The following IGFN1 variants were observed in gnomAD, a reference collection of about 807,000 sequenced individuals.
The protein encoded by IGFN1 is immunoglobulin-like and fibronectin type III domain-containing protein 1.
Under a neutral mutation model 289.5 loss-of-function variants are expected in IGFN1, and 253 were observed. The observed-to-expected ratio is 0.87, with a 90% CI of 0.79 to 0.97. The LOEUF (loss-of-function observed/expected upper bound fraction) is 0.97, where lower values mean the gene tolerates loss of function less well. Ranked by LOEUF, IGFN1 falls within the 50% of genes least tolerant of loss-of-function variation. The pLI is 0.00. For synonymous variants in IGFN1, 1,706 were observed against 1,788.5 expected (o/e 0.95, Z 1.16); for missense variants, 4,470 against 4,686.1 (o/e 0.95, Z 1.35).
At position 201,225,810 on chromosome 1, in the gene IGFN1, C is replaced by G; in HGVS notation, c.10487-14C>G. 6.3e-7 allele frequency: 1 copy of G among 1,599,844 alleles called. No individual in the cohort carries two copies. Among genetic ancestry groups the G allele is most frequent in the East Asian group, 2.2e-5 (1 of 44,554 alleles). On this transcript the variant is annotated splice_polypyrimidine_tract_variant and intron_variant, in intron 21 of 23. Transcript: ENST00000335211. ...TCCCCTCCACGTGACCTCCCTCTGC[C>G]GTCTCTCCTGAAGCATGCCCGCAGG...
chr1:201,228,274 T>C, intron 23 of IGFN1, 112 bp from the exon 24 acceptor site: 1 of 1,115,016 alleles, frequency 9.0e-7, no homozygotes, highest in South Asian at 1.2e-5. Context: ...CCACACCCCC[T>C]GATGGCAGAG....
In IGFN1 at chr1:201,198,308, G is replaced by A. The variant is rs535795522; in HGVS notation, c.367+991G>A. 2.1e-4 allele frequency among the ~76,000 whole-genome samples: 32 copies of A among 152,242 alleles called. 1 individual carries two copies. In the South Asian group the frequency reaches 6.0e-3, roughly 29 times the overall value. ...TTACCACCATGCCTGGCTAATTTTT[G>A]TATTTTTAGTTGAGACAGGGTTTCA... On this transcript the variant is annotated intron_variant, in intron 5 of 23. Transcript: ENST00000335211.
chr1:201,223,096 A>G, intron 20 of IGFN1: 1 of 311,884 alleles, frequency 3.2e-6, no homozygotes, highest in Non-Finnish European at 5.9e-6. Flanking sequence ...CAGCTACTGC[A>G]CCTCCAAACT....
chr1:201,206,659 A>G lies in IGFN1; in HGVS notation c.1766A>G (p.Asp589Gly). 1 of 1,537,678 alleles carries G rather than the reference A, an allele frequency of 6.5e-7. No homozygotes were observed. The highest frequency in any genetic ancestry group is 8.7e-7 in the Non-Finnish European group (1 of 1,146,906). The part of the protein sequence containing the change: ...EHRGDSGRQL[D>G]RHAPEQLWDA... ...AGAGGGGACAGTGGAAGACAACTGG[A>G]CAGGCATGCCCCAGAGCAACTGTGG... is the stretch of plus-strand genomic sequence containing the variant. The change falls in exon 12 of 24, where the codon GAC (aspartate) becomes GGC (glycine). Residue 589 changes from aspartate (D) to glycine (G), a missense_variant. This residue lies in a region of IGFN1 where 2,011 missense variants were observed against 1,953.4 expected (regional missense o/e 1.03). Coordinates refer to ENST00000335211, the MANE Select transcript of IGFN1 (RefSeq NM_001164586.2).
Position 201,205,079 on chromosome 1 carries a change from C to A in IGFN1, c.917-3C>A. 1 of 1,536,066 alleles carries A rather than the reference C, an allele frequency of 6.5e-7. No homozygotes were observed. The highest frequency in any genetic ancestry group is 8.8e-7 in the Non-Finnish European group (1 of 1,136,078). ...GATATCCCCATTCCTATTTCCCCGG[C>A]AGCCATCCCCCCAAGAGTGGTGGTC... On this transcript the variant is annotated splice_polypyrimidine_tract_variant and splice_region_variant and intron_variant, in intron 10 of 23. Transcript: ENST00000335211.
Position 201,216,629 on chromosome 1 carries a change from C to G in IGFN1, c.9471C>G (p.Asp3157Glu). 1.2e-6 allele frequency: 2 copies of G among 1,613,982 alleles called. No individual in the cohort carries two copies. Among genetic ancestry groups the G allele is most frequent in the Non-Finnish European group, 1.7e-6 (2 of 1,179,938 alleles). ...TGAAGGTGGGCGAGGCCCCCGCTGA[C>G]AGCACCACCTTCACGGATGCCCATG... ...TWLKVGEAPA[D>E]STTFTDAHVE... is the part of the protein sequence containing the mutation. Residue 3157 changes from aspartate to glutamate, a missense_variant, in exon 16 of 24, where the codon GAC (aspartate) becomes GAG (glutamate). Asp to Glu is a conservative substitution (Grantham distance 45). Around this residue, in one of 8 missense-constraint regions of IGFN1, gnomAD observed 2,218 missense variants for 2,114.1 expected, o/e 1.05. Transcript: ENST00000335211.
chr1:201,220,138 TCTCTCCCCCTTCCTCCCTCCCTCTC>T (rs1422375828), intron 18 of IGFN1, among the ~76,000 whole-genome samples: 1 of 147,504 alleles, frequency 6.8e-6, no homozygotes, highest in East Asian at 2.0e-4. Context: ...TTTCTTTCTC[TCTCTCCCCCTTCCTCCCTCCCTCTC>T]TTCTTTCTAT....
Position 201,218,654 on chromosome 1 carries a change from C to A in IGFN1, c.9894C>A (p.Pro3298=). 1 of 1,603,840 alleles carries A rather than the reference C, an allele frequency of 6.2e-7. No individual in the cohort carries two copies. The highest frequency in any genetic ancestry group is 1.1e-5 in the South Asian group (1 of 90,536). The change falls in exon 18 of 24, where the codon CCC becomes CCA. Residue 3298 remains proline (P), a synonymous_variant. Coordinates refer to ENST00000335211, the MANE Select transcript of IGFN1 (RefSeq NM_001164586.2). ...PPSDAVFARD[P]MRPPGLVRNL... is the part of the protein sequence containing the mutation. ...CGGATGCTGTCTTTGCTCGGGACCCCATGAGTAAGTAGGGCACCAACCCAG... is the reference window on the plus strand; with the variant it reads ...CGGATGCTGTCTTTGCTCGGGACCCAATGAGTAAGTAGGGCACCAACCCAG...
intron 2 of IGFN1, among the ~76,000 whole-genome samples, chr1:201,193,917 A>G (rs1037668764): frequency 2.6e-5 from 4 of 151,944 alleles, no homozygotes; most frequent in African/African-American, 9.7e-5. Flanking sequence ...AGGGTGCCCC[A>G]CCCACTTCCT....
chr1:201,195,716 C>G (rs975814899), intron 3 of IGFN1, 123 bp from the exon 4 acceptor site: 16 of 1,097,746 alleles, frequency 1.5e-5, no homozygotes, highest in Non-Finnish European at 2.0e-5. Flanking sequence ...GCCTGGCATC[C>G]TTTTTGGAAG....
chr1:201,202,294 G>T (rs1382591412), intron 9 of IGFN1, among the ~76,000 whole-genome samples: 1 of 152,174 alleles, frequency 6.6e-6, no homozygotes, highest in Non-Finnish European at 1.5e-5. Flanking sequence ...TCACTTATAA[G>T]CTGTATGACC....
rs1347077656 is a variant in IGFN1 at position 201,225,826 on chromosome 1, T to A, written c.10489T>A (p.Cys3497Ser). 3 of 1,610,204 alleles carry A rather than the reference T, an allele frequency of 1.9e-6. No homozygotes were observed. Among genetic ancestry groups the A allele is most frequent in the Admixed American group, 3.4e-5 (2 of 59,592 alleles). Residue 3497 changes from cysteine (C) to serine (S), a missense_variant and splice_region_variant, in exon 22 of 24, where the codon TGC becomes AGC. Physicochemically the swap from Cys to Ser is moderately radical, Grantham distance 112. This residue lies in a region of IGFN1 where 2,218 missense variants were observed against 2,114.1 expected (regional missense o/e 1.05). Coordinates refer to ENST00000335211, the MANE Select transcript of IGFN1 (RefSeq NM_001164586.2). ...TCCCTCTGCCGTCTCTCCTGAAGCA[T>A]GCCCGCAGGCCCCTGGGCCCATCCA... ...AHSFRIRVAA[C>S]PQAPGPIHLQ...
chr1:201,195,266 C>T (rs957378683), intron 3 of IGFN1, among the ~76,000 whole-genome samples: 1 of 152,054 alleles, frequency 6.6e-6, no homozygotes, highest in African/African-American at 2.4e-5. Context: ...ATTCTCCTGC[C>T]TCAGCCTCCC....
In IGFN1 at chr1:201,224,665, C is replaced by T; in HGVS notation, c.10291-14C>T. On this transcript the variant is annotated splice_polypyrimidine_tract_variant and intron_variant, in intron 20 of 23. Transcript: ENST00000335211. ...GCTTCCCCTTCTCAACTTTTCCTTC[C>T]TCTCCTTTCTCAGGCCATGCCCATG... 1 of 1,611,608 alleles carries T rather than the reference C, an allele frequency of 6.2e-7. No homozygotes were observed. Among genetic ancestry groups the T allele is most frequent in the Admixed American group, 1.7e-5 (1 of 59,788 alleles).
chr1:201,212,370 T>C lies in IGFN1; in HGVS notation c.7477T>C (p.Trp2493Arg), dbSNP rs1162714242. The change falls in exon 12 of 24, where the codon TGG becomes CGG. Residue 2493 changes from tryptophan to arginine, a missense_variant. Trp to Arg is a moderately radical substitution (Grantham distance 101, BLOSUM62 -3). This residue lies in a region of IGFN1 where 2,218 missense variants were observed against 2,114.1 expected (regional missense o/e 1.05). Transcript: ENST00000335211. The part of the protein sequence containing the change: ...GAKGKPDVKE[W>R]QDSSGTPGSS... ...CAAGGGAAAACCAGATGTCAAAGAA[T>C]GGCAAGACAGTTCTGGGACTCCAGG... 13 of 1,536,796 alleles carry C rather than the reference T, an allele frequency of 8.5e-6. No homozygotes were observed. In the East Asian group the frequency reaches 2.7e-4, roughly 32 times the overall value.
Position 201,199,068 on chromosome 1 carries a change from G to A in IGFN1, c.368-266G>A, listed in dbSNP as rs1020268083. 2.0e-5 allele frequency among the ~76,000 whole-genome samples: 3 copies of A among 152,140 alleles called. 1 individual carries two copies. The highest frequency in any genetic ancestry group is 4.1e-4 in the South Asian group (2 of 4,830). Reference sequence around the variant, plus strand: ...TTTATGCCACCTCCCTGGCCCCTGCGGACACATGACTGGGCCTCCCCTGCA... The same window carrying A: ...TTTATGCCACCTCCCTGGCCCCTGCAGACACATGACTGGGCCTCCCCTGCA... On this transcript the variant is annotated intron_variant, in intron 5 of 23. Coordinates refer to ENST00000335211, the MANE Select transcript of IGFN1 (RefSeq NM_001164586.2).
chr1:201,205,355 G>A lies in IGFN1; in HGVS notation c.1189+1G>A, dbSNP rs1667366154. 9 of 1,529,062 alleles carry A rather than the reference G, an allele frequency of 5.9e-6. No individual in the cohort carries two copies. The highest frequency in any genetic ancestry group is 7.9e-6 in the Non-Finnish European group (9 of 1,132,766). The allele number at this position is 1,529,062 out of a possible 1,614,324, so 94.7% of individuals were successfully genotyped here. On this transcript the variant is annotated splice_donor_variant, in intron 11 of 23. Coordinates refer to ENST00000335211, the MANE Select transcript of IGFN1 (RefSeq NM_001164586.2). LOFTEE classifies it high-confidence loss of function. ...TCCAGCGCCTGGCTGGTGGTTGAAGGTGAGTGCTTCAAAACTCTGTCTTTC... is the reference window on the plus strand; with the variant it reads ...TCCAGCGCCTGGCTGGTGGTTGAAGATGAGTGCTTCAAAACTCTGTCTTTC...
chr1:201,202,508 C>T (rs1443022603), intron 9 of IGFN1, among the ~76,000 whole-genome samples: 1 of 152,070 alleles, frequency 6.6e-6, no homozygotes, highest in Non-Finnish European at 1.5e-5. Flanking sequence ...TTCCTTTGCC[C>T]AGGTGTTCCC....
chr1:201,211,097 A>T lies in IGFN1; in HGVS notation c.6204A>T (p.Ala2068=), dbSNP rs921285276. Residue 2068 remains alanine (A), a synonymous_variant, in exon 12 of 24, where the codon GCA becomes GCT. Transcript: ENST00000335211. ...TAGAAATGGGGTCAGTGAATGAGGC[A>T]GGTTATAGGAAGGATTTAGGGGCTC... ...SSVEMGSVNE[A]GYRKDLGAPK... The T allele has an allele frequency of 2.7e-6, 4 of 1,507,230 alleles. No individual in the cohort carries two copies. The African/African-American group carries it at 5.6e-5, about 21-fold the overall frequency. 93.4% of individuals were successfully genotyped at this position (1,507,230 alleles called of 1,614,324 possible).
Sources: gnomAD v4.1 joint callset for allele counts (sites outside exome capture counted in the v4.1 genomes callset) on GRCh38, gnomAD v4.1.1 for gene constraint, gnomAD v4.1.1 regional missense constraint, MANE v1.5 for transcripts, NCBI Gene and HGNC (gene_info 2026-07-23, HGNC 2026-07-21) for gene names.